Variants in PCTP observed in about 807,000 individuals in gnomAD.
The protein encoded by PCTP is START domain-containing protein 2.
In PCTP, 27 loss-of-function variants were observed where a neutral mutation model predicts 31.0. The observed-to-expected ratio is 0.87, with a 90% confidence interval of 0.64 to 1.20. The LOEUF is 1.20. Among genes scored for constraint, PCTP ranks in the 50% most tolerant of loss-of-function variants. The pLI is 0.00. For synonymous variants in PCTP, 108 were observed against 101.2 expected (o/e 1.07, Z -0.40); for missense variants, 287 against 268.2 (o/e 1.07, Z -0.49).
chr17:55,813,674 C>G (rs533696604), intron 3 of PCTP, among the ~76,000 whole-genome samples: 1 of 152,126 alleles, frequency 6.6e-6, no homozygotes, highest in Non-Finnish European at 1.5e-5. Flanking sequence ...AGTCTTTGCT[C>G]GTGCATCATC....
downstream of PCTP, among the ~76,000 whole-genome samples, chr17:55,847,620 A>G (rs140052642): frequency 6.6e-6 from 1 of 152,234 alleles, no homozygotes; most frequent in African/African-American, 2.4e-5. Flanking sequence ...TCCTTTCTTT[A>G]TAAATTACCT....
Position 55,767,432 on chromosome 17 carries a change from A to C in PCTP, c.239A>C (p.Gln80Pro). 1 of 1,608,198 alleles carries C rather than the reference A, an allele frequency of 6.2e-7. No homozygotes were observed. The highest frequency in any genetic ancestry group is 1.7e-5 in the Admixed American group (1 of 59,912). ...TATATGGACTCAGATTACAGAAAAC[A>C]ATGGGACCAGTATGTTAAAGGTGAG... ...DIYMDSDYRK[Q>P]WDQYVKELYE... is the part of the protein sequence containing the mutation. Residue 80 changes from glutamine (Q) to proline (P), a missense_variant, in exon 2 of 6, where the codon CAA becomes CCA. Transcript: ENST00000268896.
At chr17:55,843,124 TA>T (rs1485658277), downstream of PCTP, among the ~76,000 whole-genome samples, 1 of 152,126 alleles carries the variant, frequency 6.6e-6, no homozygotes, top group Non-Finnish European at 1.5e-5. Context: ...GTCAACAGTC[TA>T]AAAAAATTCT....
intron 1 of PCTP, among the ~76,000 whole-genome samples, chr17:55,751,629 C>T (rs934944760): frequency 6.6e-6 from 1 of 151,824 alleles, no homozygotes; most frequent in African/African-American, 2.4e-5. Flanking sequence ...GGGGGAGGGG[C>T]GGTATCTTAG....
At chr17:55,845,928 ATGTG>A (rs879859465), downstream of PCTP, among the ~76,000 whole-genome samples, 3 of 98,016 alleles carry the variant, frequency 3.1e-5, no homozygotes, top group Admixed American at 2.0e-4. Context: ...GTGTGTGTGT[ATGTG>A]TGTGTGTTCC....
downstream of PCTP, among the ~76,000 whole-genome samples, chr17:55,778,150 C>T (rs1247264409): frequency 2.7e-5 from 4 of 150,658 alleles, no homozygotes; most frequent in Non-Finnish European, 4.4e-5. Context: ...GTGGACAGTC[C>T]TCACGAGCTG....
At chr17:55,796,656 TG>T (rs1659219435) in intron 3 of PCTP, among the ~76,000 whole-genome samples, 1 of 151,876 alleles carries the variant, frequency 6.6e-6, no homozygotes, top group African/African-American at 2.4e-5. Context: ...AGATGATAGG[TG>T]TAGGTTTATA....
chr17:55,796,657 G>T (rs955662824), intron 3 of PCTP, among the ~76,000 whole-genome samples: 8 of 151,954 alleles, frequency 5.3e-5, no homozygotes, highest in African/African-American at 1.4e-4. Flanking sequence ...GATGATAGGT[G>T]TAGGTTTATA....
chr17:55,827,193 G>T (rs1905428780), downstream of PCTP, among the ~76,000 whole-genome samples: 1 of 152,148 alleles, frequency 6.6e-6, no homozygotes, highest in Non-Finnish European at 1.5e-5. Flanking sequence ...GCAAGTAGTA[G>T]CCGTGTGCCA....
chr17:55,808,622 C>T (rs1184191014), intron 3 of PCTP, among the ~76,000 whole-genome samples: 1 of 152,180 alleles, frequency 6.6e-6, no homozygotes, highest in South Asian at 2.1e-4. Flanking sequence ...TTTGGATGTT[C>T]GCACGTTATT....
intron 3 of PCTP, among the ~76,000 whole-genome samples, chr17:55,809,531 T>A (rs1242722577): frequency 6.6e-6 from 1 of 151,742 alleles, no homozygotes; most frequent in Non-Finnish European, 1.5e-5. Flanking sequence ...GTCTTTTTTT[T>A]TTTTTTTTGG....
At chr17:55,754,405 A>C (rs1248001882) in intron 1 of PCTP, among the ~76,000 whole-genome samples, 2 of 152,248 alleles carry the variant, frequency 1.3e-5, no homozygotes, top group Non-Finnish European at 2.9e-5. Context: ...CAAAGTATAC[A>C]GATGCATAAG....
At chr17:55,792,080 C>T (rs1046492791) in intron 3 of PCTP, among the ~76,000 whole-genome samples, 3 of 143,796 alleles carry the variant, frequency 2.1e-5, no homozygotes, top group African/African-American at 8.0e-5. Context: ...ACCGCATATT[C>T]TCACTCATAG....
downstream of PCTP, among the ~76,000 whole-genome samples, chr17:55,823,612 A>C (rs150619389): frequency 1.6e-3 from 243 of 152,370 alleles, 2 homozygotes; most frequent in East Asian, 0.034. Context: ...TTTTCACTTC[A>C]AGGCAAAACG....
exon 6 of PCTP, chr17:55,842,794 A>G (rs1305205409): frequency 6.6e-6 from 1 of 152,260 alleles, no homozygotes; most frequent in Non-Finnish European, 1.5e-5. Context: ...CTGGAATTTC[A>G]TAGAGGCAGC....
intron 3 of PCTP, among the ~76,000 whole-genome samples, chr17:55,789,770 A>G (rs1335046076): frequency 3.3e-5 from 5 of 152,222 alleles, no homozygotes; most frequent in African/African-American, 9.6e-5. Context: ...TCCAATCAGT[A>G]GAAAAAGAGG....
At position 55,782,840 on chromosome 17, in the gene PCTP, C is replaced by G. The variant is rs371983117; in HGVS notation, c.229-4726C>G. Among the ~76,000 whole-genome samples, 21 of 152,334 alleles carry G rather than the reference C, an allele frequency of 1.4e-4. 2 individuals are homozygous for G. The highest frequency in any genetic ancestry group is 9.1e-4 in the Admixed American group (14 of 15,304). On this transcript the variant is annotated intron_variant, in intron 2 of 3. Transcript: ENST00000572536. ...AGTTGAAGTCAATCCCTATTCCTTA[C>G]CTTGTCTGCATAGCATGTAATACTT... is the stretch of plus-strand genomic sequence containing the variant.
intron 1 of PCTP, 85 bp downstream of exon 1, chr17:55,751,329 G>T: frequency 6.6e-7 from 1 of 1,515,938 alleles, no homozygotes; most frequent in Non-Finnish European, 8.8e-7. Flanking sequence ...CGGCAGTCGC[G>T]GAAGGGACAG....
intron 3 of PCTP, among the ~76,000 whole-genome samples, chr17:55,798,963 C>T (rs1010816769): frequency 4.6e-5 from 7 of 151,466 alleles, no homozygotes; most frequent in South Asian, 4.2e-4. Context: ...TTTGCATTGT[C>T]TTGCAAGTAA....
Sources: gnomAD v4.1 joint callset for allele counts (sites outside exome capture counted in the v4.1 genomes callset) on GRCh38, gnomAD v4.1.1 for gene constraint, MANE v1.5 for transcripts, NCBI Gene and HGNC (gene_info 2026-07-23, HGNC 2026-07-21) for gene names.